POLK: variants seen among roughly 807,000 people sequenced by gnomAD.
The protein encoded by POLK is DNA polymerase kappa.
POLK carries 76 observed loss-of-function variants against 94.0 expected under a neutral mutation model. That is an observed-to-expected ratio of 0.81 (90% CI 0.67 to 0.98). The LOEUF (loss-of-function observed/expected upper bound fraction) is 0.98, where lower values mean the gene tolerates loss of function less well. Among genes scored for constraint, POLK ranks in the 50% least tolerant of loss-of-function variants. The probability of loss-of-function intolerance (pLI) is 0.00; values close to 1 mark genes in which losing one functional copy is unlikely to be tolerated. For synonymous variants in POLK, 349 were observed against 325.4 expected, an observed-to-expected ratio of 1.07 and a Z score of -0.78; for missense variants, 954 against 1,010.1, an observed-to-expected ratio of 0.94 and a Z score of 0.75.
At chr5:75,576,877 A>G in exon 6 of POLK, 1 of 1,570,300 alleles carries the variant, frequency 6.4e-7, no homozygotes, top group South Asian at 1.2e-5. Context: ...GAAAGACAAA[A>G]TTGGCCTGAG....
intron 6 of POLK, among the ~76,000 whole-genome samples, chr5:75,577,620 C>A (rs1307406217): frequency 6.6e-6 from 1 of 152,198 alleles, no homozygotes; most frequent in Admixed American, 6.5e-5. Context: ...GAAAAAGTGA[C>A]ACAGAAGGGT....
At chr5:75,521,572 A>T (rs1768587197) in intron 1 of POLK, among the ~76,000 whole-genome samples, 1 of 151,544 alleles carries the variant, frequency 6.6e-6, no homozygotes, top group Non-Finnish European at 1.5e-5. Flanking sequence ...CTCACATATC[A>T]CTCTCTCGTT....
At chr5:75,567,000 G>T (rs775141968) in intron 3 of POLK, among the ~76,000 whole-genome samples, 1 of 152,192 alleles carries the variant, frequency 6.6e-6, no homozygotes, top group Non-Finnish European at 1.5e-5. Context: ...TCTGGTTGAT[G>T]TAGAAAGAAA....
the POLK span, among the ~76,000 whole-genome samples, chr5:75,607,399 C>T: frequency 1.4e-5 from 2 of 147,730 alleles, no homozygotes; most frequent in East Asian, 2.0e-4. Context: ...ACCCGGGAGA[C>T]GGAGGTTGCA....
Position 75,542,587 on chromosome 5 carries a change from A to ATG in POLK, c.-13-4411_-13-4410dup, listed in dbSNP as rs1209997480. On this transcript the variant is annotated intron_variant, in intron 1 of 14. Transcript: ENST00000241436. ...TTGCCTTATATGTGTGGGTATATAT[A>ATG]TGTGTGTGTGTGTATATACACATAT... 1.0e-3 allele frequency among the ~76,000 whole-genome samples: 157 copies of ATG among 150,916 alleles called. 1 individual carries two copies. The highest frequency in any genetic ancestry group is 3.5e-3 in the African/African-American group (144 of 41,204).
At chr5:75,532,264 A>G (rs780174730) in intron 1 of POLK, among the ~76,000 whole-genome samples, 5 of 152,102 alleles carry the variant, frequency 3.3e-5, no homozygotes, top group Non-Finnish European at 7.4e-5. Context: ...AGTAGGCTCC[A>G]GTGTCTGTTG....
chr5:75,596,897 C>A (rs1773117762), exon 13 of POLK: 1 of 1,613,594 alleles, frequency 6.2e-7, no homozygotes. Flanking sequence ...CCAAGCAAGT[C>A]TTTTAATATT....
chr5:75,514,049 AAAT>A (rs1295870630), intron 1 of POLK, among the ~76,000 whole-genome samples: 1 of 152,084 alleles, frequency 6.6e-6, no homozygotes, highest in Non-Finnish European at 1.5e-5. Context: ...CTTCTTAGTC[AAAT>A]AAGTTGAAAA....
At chr5:75,557,476 T>C (rs969171720) in intron 3 of POLK, among the ~76,000 whole-genome samples, 1 of 152,198 alleles carries the variant, frequency 6.6e-6, no homozygotes, top group African/African-American at 2.4e-5. Context: ...TATCTCTCCA[T>C]TTAAAGATGC....
Position 75,587,077 on chromosome 5 carries a change from T to C in POLK, c.1259+19T>C, listed in dbSNP as rs1377511953. The C allele has an allele frequency of 3.0e-6, 4 of 1,328,586 alleles. No homozygotes were observed. Among genetic ancestry groups the C allele is most frequent in the Non-Finnish European group, 1.1e-6 (1 of 934,284 alleles). The allele number at this position is 1,328,586 out of a possible 1,614,324, so 82.3% of individuals were successfully genotyped here. A position where few individuals can be genotyped will look rare whatever the true frequency, so the allele number is the denominator to read the frequency against. ...TTGAGAGGTAATGTTTTATTATTTA[T>C]TGTTAATTGTGCATAATTCATGTTA... On this transcript the variant is annotated intron_variant, in intron 10 of 14. Transcript: ENST00000241436.
intron 7 of POLK, chr5:75,582,612 A>G (rs1772247096): frequency 6.6e-6 from 1 of 152,182 alleles, no homozygotes; most frequent in Admixed American, 6.5e-5. Context: ...ACCCTAAATT[A>G]TATTCTGTAT....
At position 75,584,804 on chromosome 5, in the gene POLK, T is replaced by G. The variant is rs760027871; in HGVS notation, c.1104T>G (p.Leu368=). 6 of 1,587,012 alleles carry G rather than the reference T, an allele frequency of 3.8e-6. No individual in the cohort carries two copies. In the South Asian group the frequency reaches 5.7e-5, roughly 15 times the overall value. Reference sequence around the variant, plus strand: ...TTACAGAGAAAATGTTAAAGGCCCTTGGAATTATTACATGTACAGAACTTT... The same window carrying G: ...TTACAGAGAAAATGTTAAAGGCCCTGGGAATTATTACATGTACAGAACTTT... The change falls in exon 9 of 15, where the codon CTT becomes CTG. Residue 368 remains leucine, a synonymous_variant. Coordinates refer to ENST00000241436, the Ensembl canonical transcript of POLK.
At chr5:75,596,492 A>G (rs779799735) in exon 13 of POLK, 1 of 1,613,948 alleles carries the variant, frequency 6.2e-7, no homozygotes. Context: ...CAACCATTCC[A>G]AGTTTTAAAG....
At chr5:75,511,582 A>C (rs1561318686), upstream of POLK, 29 of 1,464,626 alleles carry the variant, frequency 2.0e-5, no homozygotes, top group Non-Finnish European at 1.4e-5. Context: ...TCCCGCGTCC[A>C]CTCACACCTC....
At chr5:75,605,152 C>G (rs888662462), downstream of POLK, among the ~76,000 whole-genome samples, 1 of 148,242 alleles carries the variant, frequency 6.7e-6, no homozygotes, top group African/African-American at 2.5e-5. Flanking sequence ...CACACACACA[C>G]ACACACTACC....
intron 1 of POLK, among the ~76,000 whole-genome samples, chr5:75,539,365 A>G (rs557042411): frequency 5.3e-4 from 80 of 152,346 alleles, no homozygotes; most frequent in Non-Finnish European, 9.6e-4. Context: ...AGAAAATAGA[A>G]TAATGATTTT....
chr5:75,536,030 G>A (rs1390835242), intron 1 of POLK, among the ~76,000 whole-genome samples: 1 of 152,158 alleles, frequency 6.6e-6, no homozygotes, highest in Non-Finnish European at 1.5e-5. Flanking sequence ...GGCTTTTTGA[G>A]TTGCTAGAGT....
At chr5:75,521,223 G>A (rs1768569440) in intron 1 of POLK, among the ~76,000 whole-genome samples, 1 of 152,040 alleles carries the variant, frequency 6.6e-6, no homozygotes, top group South Asian at 2.1e-4. Flanking sequence ...TTGAATACCA[G>A]TAATTCTTAG....
chr5:75,544,076 A>G (rs1163212211), intron 1 of POLK, among the ~76,000 whole-genome samples: 1 of 152,078 alleles, frequency 6.6e-6, no homozygotes, highest in East Asian at 1.9e-4. Flanking sequence ...GGCTTAACCA[A>G]TCCTCCTGCC....
Sources: gnomAD v4.1 joint callset for allele counts (sites outside exome capture counted in the v4.1 genomes callset) on GRCh38, gnomAD v4.1.1 for gene constraint, MANE v1.5 for transcripts, NCBI Gene and HGNC (gene_info 2026-07-23, HGNC 2026-07-21) for gene names.